TRAF3IP1: variants seen among roughly 807,000 people sequenced by gnomAD.
The protein encoded by TRAF3IP1 is intraflagellar transport 54.
In TRAF3IP1, 53 loss-of-function variants were observed where a neutral mutation model predicts 89.9. The ratio of observed to expected loss-of-function variants is 0.59; its 90% confidence interval spans 0.47 to 0.74. TRAF3IP1 has a LOEUF of 0.74. Among genes scored for constraint, TRAF3IP1 ranks in the 30% least tolerant of loss-of-function variants. The pLI is 0.00. For synonymous variants in TRAF3IP1, 311 were observed against 322.1 expected (o/e 0.97, Z 0.37); for missense variants, 806 against 866.1 (o/e 0.93, Z 0.87).
intron 15 of TRAF3IP1, among the ~76,000 whole-genome samples, chr2:238,386,010 A>G (rs1700751504): frequency 6.6e-6 from 1 of 152,242 alleles, no homozygotes; most frequent in African/African-American, 2.4e-5. Flanking sequence ...TTTATTCGGG[A>G]AGAAAGAATT....
chr2:238,385,613 A>G (rs1287983572), intron 15 of TRAF3IP1, among the ~76,000 whole-genome samples: 2 of 152,224 alleles, frequency 1.3e-5, no homozygotes, highest in Non-Finnish European at 2.9e-5. Flanking sequence ...TAGATATTCT[A>G]CAACAGTGGT....
intron 15 of TRAF3IP1, among the ~76,000 whole-genome samples, chr2:238,389,233 T>C (rs1700898406): frequency 6.6e-6 from 1 of 151,010 alleles, no homozygotes; most frequent in Non-Finnish European, 1.5e-5. Flanking sequence ...TTCTGAGACA[T>C]TTTTTTTTAC....
chr2:238,373,724 A>G (rs530496514), intron 15 of TRAF3IP1, among the ~76,000 whole-genome samples: 1 of 152,280 alleles, frequency 6.6e-6, no homozygotes, highest in South Asian at 2.1e-4. Flanking sequence ...TACTTTGGGC[A>G]GTATGGCCAT....
Position 238,391,537 on chromosome 2 carries a change from A to G in TRAF3IP1, c.1690-5922A>G, listed in dbSNP as rs760522702. On this transcript the variant is annotated intron_variant, in intron 15 of 16. Coordinates refer to ENST00000373327, the MANE Select transcript of TRAF3IP1 (RefSeq NM_015650.4). ...GCCAGAGTGTTGGTGTTTTGCAGCA[A>G]TGTATTCCAGTGCCTTTATGCTAAT... 5.7e-4 allele frequency among the ~76,000 whole-genome samples: 87 copies of G among 152,192 alleles called. 2 individuals are homozygous for G. The highest frequency in any genetic ancestry group is 3.3e-4 in the Admixed American group (5 of 15,276).
At chr2:238,356,312 C>T (rs1448505530) in intron 15 of TRAF3IP1, among the ~76,000 whole-genome samples, 3 of 152,198 alleles carry the variant, frequency 2.0e-5, no homozygotes, top group Non-Finnish European at 4.4e-5. Flanking sequence ...GCCTGGGCAA[C>T]ATGGTGAAAC....
chr2:238,325,845 A>G lies in TRAF3IP1; in HGVS notation c.229A>G (p.Ile77Val). ...DAKISFLQKA[I>V]DVVVMVSGEP... ...AAAAATTAGCTTCCTACAAAAGGCC[A>G]TAGACGTGGTTGTAATGGTGTCGGG... Residue 77 changes from isoleucine to valine, a missense_variant, in exon 3 of 17, where the codon ATA becomes GTA. Ile to Val is a conservative substitution (Grantham distance 29). Coordinates refer to ENST00000373327, the MANE Select transcript of TRAF3IP1 (RefSeq NM_015650.4). 1.9e-6 allele frequency: 3 copies of G among 1,614,178 alleles called. No individual in the cohort carries two copies. Among genetic ancestry groups the G allele is most frequent in the Non-Finnish European group, 8.5e-7 (1 of 1,180,034 alleles).
chr2:238,388,241 G>A (rs1451229946), intron 15 of TRAF3IP1, among the ~76,000 whole-genome samples: 3 of 151,984 alleles, frequency 2.0e-5, no homozygotes. Flanking sequence ...CTGGCGTGAT[G>A]ATGCGTGCCT....
intron 15 of TRAF3IP1, among the ~76,000 whole-genome samples, chr2:238,370,859 C>T (rs1014803838): frequency 6.6e-6 from 1 of 152,156 alleles, no homozygotes; most frequent in African/African-American, 2.4e-5. Flanking sequence ...GAAGCACTTG[C>T]CAGAGGTGAA....
At chr2:238,397,725 T>TG in intron 16 of TRAF3IP1, 46 bp downstream of exon 16, 1 of 83,164 alleles carries the variant, frequency 1.2e-5, no homozygotes, top group Non-Finnish European at 2.2e-5. Context: ...GGAGCAGAGG[T>TG]GGGGGGTAGT....
intron 7 of TRAF3IP1, among the ~76,000 whole-genome samples, chr2:238,336,283 A>G (rs1045693788): frequency 6.6e-6 from 1 of 152,006 alleles, no homozygotes; most frequent in Non-Finnish European, 1.5e-5. Flanking sequence ...GGGCTTTTTG[A>G]CACTGAGCTT....
At position 238,351,556 on chromosome 2, in the gene TRAF3IP1, G is replaced by A. The variant is rs1291735541; in HGVS notation, c.1452-1271G>A. 6.6e-6 allele frequency among the ~76,000 whole-genome samples: 1 copy of A among 152,142 alleles called. No individual in the cohort carries two copies. The highest frequency in any genetic ancestry group is 1.9e-4 in the East Asian group (1 of 5,184). ...TGCCGATCACGGCAGGCACAGGGGCGCAGGTGTTGAGGAGGTGGATCGTGG... is the reference window on the plus strand; with the variant it reads ...TGCCGATCACGGCAGGCACAGGGGCACAGGTGTTGAGGAGGTGGATCGTGG... On this transcript the variant is annotated intron_variant, in intron 12 of 16. Transcript: ENST00000373327. This position sits in a 1 kb window ranked among gnomAD's most constrained non-coding sequence, Gnocchi z 5.2.
intron 8 of TRAF3IP1, among the ~76,000 whole-genome samples, chr2:238,343,306 G>A (rs1473917887): frequency 6.6e-6 from 1 of 151,986 alleles, no homozygotes; most frequent in African/African-American, 2.4e-5. Flanking sequence ...GGATGGTCTC[G>A]CTCTCTTGAG....
chr2:238,385,724 T>G (rs1323166036), intron 15 of TRAF3IP1, among the ~76,000 whole-genome samples: 1 of 152,220 alleles, frequency 6.6e-6, no homozygotes, highest in Admixed American at 6.5e-5. Flanking sequence ...CAAACCCACC[T>G]CTGGTGATGA....
In TRAF3IP1 at chr2:238,351,210, A is replaced by G. The variant is rs1181233975; in HGVS notation, c.1452-1617A>G. On this transcript the variant is annotated intron_variant, in intron 12 of 16. Coordinates refer to ENST00000373327, the MANE Select transcript of TRAF3IP1 (RefSeq NM_015650.4). The surrounding 1 kb of genome is among the most constrained non-coding windows in gnomAD (Gnocchi z 5.2). ...CATCCCAGCAGGGTTCAGGGACCCA[A>G]GGCCAGGATTTTGGAAGGATCATTT... 6.6e-6 allele frequency among the ~76,000 whole-genome samples: 1 copy of G among 152,074 alleles called. No homozygotes were observed. The highest frequency in any genetic ancestry group is 1.5e-5 in the Non-Finnish European group (1 of 68,016).
At chr2:238,356,931 A>G (rs1323941658) in intron 15 of TRAF3IP1, among the ~76,000 whole-genome samples, 5 of 152,010 alleles carry the variant, frequency 3.3e-5, no homozygotes, top group African/African-American at 1.2e-4. Context: ...GGTGCTCGAC[A>G]CTGCTCCTAG....
chr2:238,369,868 G>C (rs1700034217), intron 15 of TRAF3IP1, among the ~76,000 whole-genome samples: 1 of 152,168 alleles, frequency 6.6e-6, no homozygotes, highest in Admixed American at 6.5e-5. Flanking sequence ...CTTGGACTCT[G>C]TGGGCTGTAA....
At chr2:238,331,753 C>T (rs906566675) in intron 5 of TRAF3IP1, among the ~76,000 whole-genome samples, 8 of 152,240 alleles carry the variant, frequency 5.3e-5, no homozygotes, top group Admixed American at 5.2e-4. Flanking sequence ...TAAAAAGCGC[C>T]AGGCAGGTGT....
chr2:238,398,765 G>T lies in TRAF3IP1; in HGVS notation c.1922G>T (p.Cys641Phe), dbSNP rs1307451616. ...ALQQEQRITD[C>F]AVEPLKAELA... ...TTGTTCTCCCTCAGGATCACAGACT[G>T]TGCCGTGGAGCCCTTAAAGGCTGAG... Residue 641 changes from cysteine to phenylalanine, a missense_variant, in exon 17 of 17, where the codon TGT becomes TTT. Transcript: ENST00000373327. 2 of 1,602,196 alleles carry T rather than the reference G, an allele frequency of 1.2e-6. No homozygotes were observed. The highest frequency in any genetic ancestry group is 1.7e-6 in the Non-Finnish European group (2 of 1,176,796).
intron 15 of TRAF3IP1, among the ~76,000 whole-genome samples, chr2:238,358,541 A>AG (rs1419297599): frequency 6.6e-6 from 1 of 152,172 alleles, no homozygotes; most frequent in Non-Finnish European, 1.5e-5. Context: ...CTCAAAAAAA[A>AG]CATGTAGGAA....
Sources: allele counts gnomAD v4.1 joint callset (sites outside exome capture counted in the v4.1 genomes callset), GRCh38; gene constraint gnomAD v4.1.1; non-coding constraint Gnocchi (gnomAD v3.1); transcripts MANE v1.5; gene names NCBI Gene and HGNC (gene_info 2026-07-23, HGNC 2026-07-21).